The following ZNF322 variants were observed in gnomAD, a reference collection of about 807,000 sequenced individuals.
ZNF322 encodes HLA complex group 12.
ZNF322 carries 1 observed loss-of-function variant against 18.3 expected under a neutral mutation model. The observed-to-expected ratio is 0.05, with a 90% CI of 0.02 to 0.26. ZNF322 has a LOEUF of 0.26. Among genes scored for constraint, ZNF322 ranks in the 10% least tolerant of loss-of-function variants. The probability of loss-of-function intolerance (pLI) is 1.00; values close to 1 mark genes in which losing one functional copy is unlikely to be tolerated. For missense variants in ZNF322, 36 were observed against 403.6 expected (o/e 0.09, Z 7.80); for synonymous variants, 17 against 130.7 (o/e 0.13, Z 5.93).
intron 2 of ZNF322, among the ~76,000 whole-genome samples, chr6:26,649,657 GTGTGTGTGTGTGTGTGTGTATA>G (rs1765619342): frequency 4.6e-5 from 2 of 43,414 alleles, no homozygotes; most frequent in East Asian, 9.8e-4. Flanking sequence ...GTGTGTGTGT[GTGTGTGTGTGTGTGTGTGTATA>G]TATATATATA....
rs1765402646 is a variant in ZNF322, at chr6:26,638,374, C to T, written c.180G>A (p.Met60Ile). The part of the protein sequence containing the change: ...QNFCENLALI[M>I]CERTHTGEKP... ...TCTCCCCAGTATGGGTTCTCTCACA[C>T]ATAATAAGAGCTAAGTTTTCACAGA... The change falls in exon 4 of 4, where the codon ATG becomes ATA. Residue 60 changes from methionine to isoleucine, a missense_variant. Coordinates refer to ENST00000415922, the MANE Select transcript of ZNF322 (RefSeq NM_024639.5). 6.2e-7 allele frequency: 1 copy of T among 1,613,816 alleles called. No homozygotes were observed. Among genetic ancestry groups the T allele is most frequent in the African/African-American group, 1.3e-5 (1 of 74,940 alleles).
intron 2 of ZNF322, among the ~76,000 whole-genome samples, chr6:26,657,619 A>C (rs1451932549): frequency 6.6e-6 from 1 of 152,190 alleles, no homozygotes; most frequent in Non-Finnish European, 1.5e-5. Context: ...TTTTACTAAA[A>C]TATAACTTCT....
intron 2 of ZNF322, among the ~76,000 whole-genome samples, chr6:26,656,037 TTTAGAGCATA>T (rs1435197029): frequency 1.3e-5 from 2 of 152,234 alleles, no homozygotes; most frequent in Admixed American, 1.3e-4. Context: ...AATGTTAACA[TTTAGAGCATA>T]TGAGTGAAGG....
At position 26,638,708 on chromosome 6, in the gene ZNF322, C is replaced by T; in HGVS notation, c.-155G>A. ...GTTTCCAGCATCATATATGTTAATT[C>T]CTTACTTGGTATTTCCAACCCTGTG... On this transcript the variant is annotated 5_prime_UTR_variant, in exon 4 of 4. Coordinates refer to ENST00000415922, the MANE Select transcript of ZNF322 (RefSeq NM_024639.5). The T allele has an allele frequency of 1.0e-6, 1 of 952,698 alleles. No individual in the cohort carries two copies. The highest frequency in any genetic ancestry group is 2.5e-5 in the East Asian group (1 of 39,646). 59.0% of individuals were successfully genotyped at this position (952,698 alleles called of 1,614,324 possible).
chr6:26,636,669 ATG>A lies in ZNF322; in HGVS notation c.*674_*675del, dbSNP rs1212914283. ...AAGGTAAGTATGGGTTTTTTCACCT[ATG>A]TGAGTTCCCTGATGTACCACAAGAG... On this transcript the variant is annotated 3_prime_UTR_variant, in exon 4 of 4. Coordinates refer to ENST00000415922, the MANE Select transcript of ZNF322 (RefSeq NM_024639.5). 1.5e-5 allele frequency: 2 copies of A among 130,356 alleles called. No homozygotes were observed. Among genetic ancestry groups the A allele is most frequent in the African/African-American group, 5.9e-5 (2 of 33,850 alleles). 8.1% of individuals were successfully genotyped at this position (130,356 alleles called of 1,614,324 possible).
intron 2 of ZNF322, among the ~76,000 whole-genome samples, chr6:26,644,535 A>G (rs1554148553): frequency 6.6e-6 from 1 of 152,234 alleles, no homozygotes; most frequent in East Asian, 1.9e-4. Context: ...GAATCCAACT[A>G]TGAAGTCTGG....
intron 2 of ZNF322, among the ~76,000 whole-genome samples, chr6:26,650,216 GAGA>G (rs538860029): frequency 2.0e-4 from 31 of 152,178 alleles, no homozygotes; most frequent in African/African-American, 7.5e-4. Context: ...TTAAATATAT[GAGA>G]AGCTGTTCAA....
intron 2 of ZNF322, among the ~76,000 whole-genome samples, chr6:26,644,798 CTATTTATT>C (rs1554148581): frequency 6.6e-6 from 1 of 152,044 alleles, no homozygotes; most frequent in Non-Finnish European, 1.5e-5. Context: ...ATTTATTTAT[CTATTTATT>C]TATTTATTTT....
Position 26,659,046 on chromosome 6 carries a change from T to G in ZNF322, c.-335+395A>C, listed in dbSNP as rs1267973354. 2.0e-5 allele frequency among the ~76,000 whole-genome samples: 3 copies of G among 152,214 alleles called. No homozygotes were observed. In the East Asian group the frequency reaches 5.8e-4, roughly 29 times the overall value. ...TGTGATAAGTGTATATAATATAAAG[T>G]TATCTGTAATTCCATTTTCCAAAAA... is the stretch of plus-strand genomic sequence containing the variant. On this transcript the variant is annotated intron_variant, in intron 1 of 3. Transcript: ENST00000415922.
chr6:26,659,099 C>A (rs1012482119), intron 1 of ZNF322, among the ~76,000 whole-genome samples: 12 of 152,260 alleles, frequency 7.9e-5, no homozygotes, highest in Middle Eastern at 3.4e-3. Flanking sequence ...ATTAAACAAA[C>A]CAGATTTTTC....
chr6:26,645,805 G>A (rs1554148694), intron 2 of ZNF322, among the ~76,000 whole-genome samples: 3 of 152,096 alleles, frequency 2.0e-5, no homozygotes, highest in Non-Finnish European at 4.4e-5. Context: ...ACCGAGGCAG[G>A]CGGATCATAT....
intron 3 of ZNF322, among the ~76,000 whole-genome samples, chr6:26,640,722 C>T (rs551442059): frequency 6.6e-6 from 1 of 152,246 alleles, no homozygotes; most frequent in East Asian, 1.9e-4. Context: ...CAGAAAAGTG[C>T]CTGGCACAGA....
intron 2 of ZNF322, among the ~76,000 whole-genome samples, chr6:26,649,516 A>G (rs568890450): frequency 6.6e-6 from 1 of 151,828 alleles, no homozygotes; most frequent in South Asian, 2.1e-4. Context: ...AAGATACTAC[A>G]AGAAAACTAA....
intron 2 of ZNF322, among the ~76,000 whole-genome samples, chr6:26,646,506 T>TTA (rs1159795701): frequency 6.6e-6 from 1 of 152,164 alleles, no homozygotes; most frequent in Non-Finnish European, 1.5e-5. Flanking sequence ...TGTATCACAT[T>TTA]ACACAGCAGG....
At chr6:26,639,285 C>T (rs1159779382) in intron 3 of ZNF322, among the ~76,000 whole-genome samples, 1 of 152,162 alleles carries the variant, frequency 6.6e-6, no homozygotes, top group East Asian at 1.9e-4. Flanking sequence ...TATTAAATCG[C>T]TATGAATCTC....
chr6:26,644,702 A>G (rs1765525370), intron 2 of ZNF322, among the ~76,000 whole-genome samples: 3 of 152,182 alleles, frequency 2.0e-5, no homozygotes, highest in Non-Finnish European at 4.4e-5. Context: ...AGCTCGGTGT[A>G]GCCCTAAATA....
chr6:26,649,980 G>A (rs1481050804), intron 2 of ZNF322, among the ~76,000 whole-genome samples: 2 of 151,602 alleles, frequency 1.3e-5, no homozygotes, highest in Admixed American at 6.6e-5. Flanking sequence ...TGGGATTACA[G>A]GCGTGCGCCA....
intron 2 of ZNF322, among the ~76,000 whole-genome samples, chr6:26,657,688 T>C (rs782423697): frequency 6.6e-5 from 10 of 152,062 alleles, no homozygotes; most frequent in Non-Finnish European, 1.5e-4. Flanking sequence ...TAGAGTACAT[T>C]TGTTGAATAA....
chr6:26,658,396 G>T (rs1268302080), intron 2 of ZNF322, among the ~76,000 whole-genome samples, 162 bp downstream of exon 2: 4 of 151,542 alleles, frequency 2.6e-5, no homozygotes, highest in African/African-American at 7.2e-5. Flanking sequence ...CCTTAAGTTG[G>T]TAGGATAGGG....
Sources: gnomAD v4.1 joint callset for allele counts (sites outside exome capture counted in the v4.1 genomes callset) on GRCh38, gnomAD v4.1.1 for gene constraint, MANE v1.5 for transcripts, NCBI Gene and HGNC (gene_info 2026-07-23, HGNC 2026-07-21) for gene names.